Variants in ATP2B2 observed in about 807,000 individuals in gnomAD.
ATP2B2 encodes ATPase plasma membrane Ca2+ transporting 2.
ATP2B2 carries 15 observed loss-of-function variants against 120.0 expected under a neutral mutation model. That is an observed-to-expected ratio of 0.12 (90% CI 0.08 to 0.19). The LOEUF (loss-of-function observed/expected upper bound fraction) is 0.19. ATP2B2 is among the 10% of genes least tolerant of loss of function. ATP2B2 has a pLI of 1.00. For synonymous variants in ATP2B2, 694 were observed against 700.3 expected, an observed-to-expected ratio of 0.99 and a Z score of 0.14; for missense variants, 1,045 against 1,719.8, an observed-to-expected ratio of 0.61 and a Z score of 6.94.
intron 1 of ATP2B2, among the ~76,000 whole-genome samples, chr3:10,488,507 G>GTTCCTTCC (rs142106223): frequency 2.2e-4 from 21 of 95,228 alleles, no homozygotes; most frequent in African/African-American, 8.1e-4. Flanking sequence ...TCCTTCCTTC[G>GTTCCTTCC]TTCCTTCCTT....
chr3:10,335,836 A>G (rs573160494), intron 22 of ATP2B2, among the ~76,000 whole-genome samples: 1 of 152,248 alleles, frequency 6.6e-6, no homozygotes, highest in Admixed American at 6.5e-5. Flanking sequence ...GGTTGGGACC[A>G]TTTGGTCACT....
At chr3:10,673,734 G>C (rs1398767141) in intron 1 of ATP2B2, among the ~76,000 whole-genome samples, 1 of 145,604 alleles carries the variant, frequency 6.9e-6, no homozygotes, top group Non-Finnish European at 1.5e-5. Flanking sequence ...TTGAGCCTGG[G>C]AGGGTTAGGC....
chr3:10,508,571 A>G (rs2066694744), upstream of ATP2B2, among the ~76,000 whole-genome samples: 1 of 152,244 alleles, frequency 6.6e-6, no homozygotes, highest in Non-Finnish European at 1.5e-5. Context: ...CGAAGCCTCA[A>G]GAAAAAGATC....
At position 10,386,445 on chromosome 3, in the gene ATP2B2, A is replaced by G. The variant is rs35855296; in HGVS notation, c.940+35T>C. On this transcript the variant is annotated intron_variant, in intron 7 of 22. Coordinates refer to ENST00000360273, the MANE Select transcript of ATP2B2 (RefSeq NM_001001331.4). ...ATGACCAAAGCCTGCTGCTATTTCT[A>G]AAAGCCCATCTACCCTGAGGGTGTC... The G allele has an allele frequency of 3.7e-3, 5,993 of 1,609,892 alleles. 27 individuals are homozygous for G. Among genetic ancestry groups the G allele is most frequent in the South Asian group, 0.012 (1,066 of 91,000 alleles).
chr3:10,696,022 C>G (rs2125716716), intron 1 of ATP2B2, among the ~76,000 whole-genome samples: 1 of 152,310 alleles, frequency 6.6e-6, no homozygotes, highest in East Asian at 1.9e-4. Flanking sequence ...GAGTAAGGAA[C>G]TTGAACAACT....
chr3:10,678,539 C>T (rs756886087), intron 1 of ATP2B2, among the ~76,000 whole-genome samples: 1 of 152,144 alleles, frequency 6.6e-6, no homozygotes, highest in Non-Finnish European at 1.5e-5. Flanking sequence ...AAGAAAATGG[C>T]CCTTCTCCTA....
chr3:10,606,924 GAGAGAGAGAGAGA>G (rs1559483134), intron 2 of ATP2B2, among the ~76,000 whole-genome samples: 3 of 87,704 alleles, frequency 3.4e-5, no homozygotes, highest in South Asian at 4.8e-4. Flanking sequence ...GAGAGAGAGA[GAGAGAGAGAGAGA>G]GGGAGAGGGA....
At chr3:10,595,811 TA>T in intron 2 of ATP2B2, among the ~76,000 whole-genome samples, 1 of 152,296 alleles carries the variant, frequency 6.6e-6, no homozygotes, top group African/African-American at 2.4e-5. Context: ...CTTAATGGAA[TA>T]AAATCCAAAC....
intron 3 of ATP2B2, among the ~76,000 whole-genome samples, chr3:10,527,605 T>C (rs535817675): frequency 6.6e-6 from 1 of 152,186 alleles, no homozygotes; most frequent in Non-Finnish European, 1.5e-5. Context: ...GCCTCACAGG[T>C]TCCTCTCCTT....
chr3:10,417,386 G>A (rs2062828581), intron 2 of ATP2B2, among the ~76,000 whole-genome samples: 1 of 152,250 alleles, frequency 6.6e-6, no homozygotes, highest in African/African-American at 2.4e-5. Flanking sequence ...CACTATGAGA[G>A]GGAAGGACTT....
chr3:10,531,108 G>T (rs1453861346), intron 3 of ATP2B2, among the ~76,000 whole-genome samples: 1 of 152,302 alleles, frequency 6.6e-6, no homozygotes, highest in East Asian at 1.9e-4. Flanking sequence ...GAACATCTTG[G>T]CAGTTGCAGG....
intron 1 of ATP2B2, among the ~76,000 whole-genome samples, chr3:10,638,040 G>A (rs1335133874): frequency 1.3e-5 from 2 of 152,234 alleles, no homozygotes; most frequent in Middle Eastern, 3.4e-3. Context: ...ACGTACCAGT[G>A]AAAATATCTC....
intron 2 of ATP2B2, among the ~76,000 whole-genome samples, chr3:10,595,587 G>A (rs568858932): frequency 6.6e-6 from 1 of 152,292 alleles, no homozygotes; most frequent in East Asian, 1.9e-4. Context: ...AAATCTCAGA[G>A]CTGAAACTTA....
At chr3:10,473,290 T>C (rs2065081940) in intron 1 of ATP2B2, among the ~76,000 whole-genome samples, 1 of 152,240 alleles carries the variant, frequency 6.6e-6, no homozygotes, top group African/African-American at 2.4e-5. Flanking sequence ...AAGCATACTG[T>C]ACTTGCCTCT....
chr3:10,399,378 T>C (rs2062146677), intron 5 of ATP2B2, among the ~76,000 whole-genome samples: 1 of 152,238 alleles, frequency 6.6e-6, no homozygotes, highest in Non-Finnish European at 1.5e-5. Context: ...TTCTCACTGT[T>C]CTGATTTTAG....
intron 2 of ATP2B2, among the ~76,000 whole-genome samples, chr3:10,441,769 C>A (rs750963733): frequency 6.6e-6 from 1 of 152,194 alleles, no homozygotes; most frequent in Non-Finnish European, 1.5e-5. Context: ...TGTGTGTCCA[C>A]CTCCATCACT....
intron 8 of ATP2B2, among the ~76,000 whole-genome samples, chr3:10,381,653 A>T (rs1186472815): frequency 6.6e-6 from 1 of 152,178 alleles, no homozygotes; most frequent in Non-Finnish European, 1.5e-5. Context: ...CTGGCCCTGA[A>T]CTATGGTGGA....
intron 8 of ATP2B2, among the ~76,000 whole-genome samples, chr3:10,383,446 C>CAAA (rs1171031878): frequency 6.6e-6 from 1 of 152,232 alleles, no homozygotes; most frequent in African/African-American, 2.4e-5. Context: ...CAGTGGTTCT[C>CAAA]AAACATCTTT....
rs111708217 is a variant in ATP2B2, at chr3:10,376,757, C to A, written c.1202-1113G>T. ...CTGACGTGTTAGTCCCAAAGCCCAGCCATCTGCTTTGAGGTAGGACAGACC... is the reference window on the plus strand; with the variant it reads ...CTGACGTGTTAGTCCCAAAGCCCAGACATCTGCTTTGAGGTAGGACAGACC... On this transcript the variant is annotated intron_variant, in intron 10 of 22. Coordinates refer to ENST00000360273, the MANE Select transcript of ATP2B2 (RefSeq NM_001001331.4). 1.7e-3 allele frequency among the ~76,000 whole-genome samples: 266 copies of A among 152,330 alleles called. 2 individuals carry two copies. Among genetic ancestry groups the A allele is most frequent in the African/African-American group, 6.0e-3 (249 of 41,576 alleles).
Sources: gnomAD v4.1 joint callset for allele counts (sites outside exome capture counted in the v4.1 genomes callset) on GRCh38, gnomAD v4.1.1 for gene constraint, MANE v1.5 for transcripts, NCBI Gene and HGNC (gene_info 2026-07-23, HGNC 2026-07-21) for gene names.